Variants in ZNF566 observed in about 807,000 individuals in gnomAD.
ZNF566 encodes zinc finger protein 566.
In ZNF566, 27 loss-of-function variants were observed where a neutral mutation model predicts 32.8. That is an observed-to-expected ratio of 0.82 (90% CI 0.61 to 1.14). ZNF566 has a LOEUF of 1.14. ZNF566 is among the 50% of genes most tolerant of loss of function. ZNF566 has a pLI of 0.00. For missense variants in ZNF566, 402 were observed against 490.4 expected, an observed-to-expected ratio of 0.82 and a Z score of 1.70; for synonymous variants, 154 against 159.5, an observed-to-expected ratio of 0.97 and a Z score of 0.26.
intron 2 of ZNF566, 47 bp downstream of exon 2, chr19:36,476,502 T>C (rs763968019): frequency 1.3e-6 from 2 of 1,531,686 alleles, no homozygotes; most frequent in Non-Finnish European, 1.8e-6. Context: ...TTACAGTTAC[T>C]AGAAGTAAAA....
At position 36,449,731 on chromosome 19, in the gene ZNF566, T is replaced by C; in HGVS notation, c.503A>G (p.Lys168Arg). 1 of 1,614,150 alleles carries C rather than the reference T, an allele frequency of 6.2e-7. No individual in the cohort carries two copies. The highest frequency in any genetic ancestry group is 8.5e-7 in the Non-Finnish European group (1 of 1,180,022). The change falls in exon 5 of 5, where the codon AAG becomes AGG. Residue 168 changes from lysine (K) to arginine (R), a missense_variant. This residue lies in a region of ZNF566 where 220 missense variants were observed against 241.9 expected (regional missense o/e 0.91). Transcript: ENST00000452939. ...FTLQQIINSK[K>R]KFCASKEYRK... Reference sequence around the variant, plus strand: ...ATATTCTTTAGATGCACAGAATTTCTTTTTACTGTTAATGATTTGCTGTAA... The same window carrying C: ...ATATTCTTTAGATGCACAGAATTTCCTTTTACTGTTAATGATTTGCTGTAA...
At chr19:36,487,177 T>C (rs995737800) in intron 1 of ZNF566, among the ~76,000 whole-genome samples, 3 of 141,888 alleles carry the variant, frequency 2.1e-5, no homozygotes, top group Middle Eastern at 4.0e-3. Context: ...ACCAATAAAA[T>C]AGTTAAAAGA....
intron 1 of ZNF566, among the ~76,000 whole-genome samples, chr19:36,482,266 C>G (rs866675628): frequency 6.6e-6 from 1 of 152,142 alleles, no homozygotes; most frequent in Non-Finnish European, 1.5e-5. Flanking sequence ...CCACCACGCC[C>G]GGCTAATTTT....
intron 4 of ZNF566, among the ~76,000 whole-genome samples, chr19:36,455,904 T>G (rs1199838380): frequency 6.6e-6 from 1 of 151,324 alleles, no homozygotes; most frequent in South Asian, 2.1e-4. Context: ...CCAGGCATGG[T>G]GGTGGGCGCC....
rs2034259615 is a variant in ZNF566, at chr19:36,489,555, A to G, written c.-129T>C. ...CTGGTAAAGCCCTGAGGGTCCCGCCAGCGCGTGAGTTGGAAGCTGAATTAC... is the reference window on the plus strand; with the variant it reads ...CTGGTAAAGCCCTGAGGGTCCCGCCGGCGCGTGAGTTGGAAGCTGAATTAC... On this transcript the variant is annotated 5_prime_UTR_variant, in exon 1 of 5. Coordinates refer to ENST00000452939, the MANE Select transcript of ZNF566 (RefSeq NM_001145344.1). 2 of 357,158 alleles carry G rather than the reference A, an allele frequency of 5.6e-6. No homozygotes were observed. Among genetic ancestry groups the G allele is most frequent in the Non-Finnish European group, 1.1e-5 (2 of 180,486 alleles). The allele number at this position is 357,158 out of a possible 1,614,324, so 22.1% of individuals were successfully genotyped here.
intron 4 of ZNF566, among the ~76,000 whole-genome samples, chr19:36,453,043 G>A (rs1343561892): frequency 2.6e-5 from 4 of 151,402 alleles, no homozygotes; most frequent in African/African-American, 4.9e-5. Flanking sequence ...GCTTGAACCC[G>A]GGAGGTGGAG....
rs999014776 is a variant in ZNF566 at position 36,445,452 on chromosome 19, C to T, written c.*3525G>A. 2.0e-5 allele frequency: 3 copies of T among 152,142 alleles called. No homozygotes were observed. The highest frequency in any genetic ancestry group is 7.2e-5 in the African/African-American group (3 of 41,416). The allele number at this position is 152,142 out of a possible 1,614,324, so 9.4% of individuals were successfully genotyped here. Reference sequence around the variant, plus strand: ...CTCACAGAATCACATATATGAAAAACTGCACTCCACTCCTTTATTCTCTTG... The same window carrying T: ...CTCACAGAATCACATATATGAAAAATTGCACTCCACTCCTTTATTCTCTTG... On this transcript the variant is annotated 3_prime_UTR_variant, in exon 5 of 5. Transcript: ENST00000452939.
At chr19:36,461,133 C>A (rs753709204) in intron 4 of ZNF566, among the ~76,000 whole-genome samples, 3 of 152,130 alleles carry the variant, frequency 2.0e-5, no homozygotes, top group African/African-American at 7.2e-5. Flanking sequence ...ATCCAGGAGA[C>A]AGCTGTCATG....
At chr19:36,488,377 G>A (rs113850557) in intron 1 of ZNF566, among the ~76,000 whole-genome samples, 75 of 152,306 alleles carry the variant, frequency 4.9e-4, no homozygotes, top group African/African-American at 1.7e-3. Flanking sequence ...TTACACGCAT[G>A]AGCCTCCACA....
At chr19:36,472,886 G>A (rs377679783) in intron 4 of ZNF566, 25 bp downstream of exon 4, 195 of 1,580,340 alleles carry the variant, frequency 1.2e-4, no homozygotes, top group Admixed American at 1.6e-4. Flanking sequence ...GCCAAATCAC[G>A]CATTACCTGC....
chr19:36,478,843 G>A (rs896060239), intron 1 of ZNF566, among the ~76,000 whole-genome samples: 2 of 152,144 alleles, frequency 1.3e-5, no homozygotes, highest in African/African-American at 4.8e-5. Context: ...CGAACAGTAG[G>A]GTTGCTTACT....
rs34868021 is a variant in ZNF566, at chr19:36,468,185, CAA to C, written c.232+4724_232+4725del. ...GGGCAACAAGAGTGAAACTCTGCCT[CAA>C]AAAAAAAAAAAAAAAAAATTAAAGT... On this transcript the variant is annotated intron_variant, in intron 4 of 4. Coordinates refer to ENST00000452939, the MANE Select transcript of ZNF566 (RefSeq NM_001145344.1). Among the ~76,000 whole-genome samples the C allele has an allele frequency of 4.0e-3, 406 of 101,542 alleles. 3 individuals are homozygous for C. The highest frequency in any genetic ancestry group is 0.011 in the African/African-American group (294 of 26,114). 66.6% of individuals were successfully genotyped at this position (101,542 alleles called of 152,430 possible).
chr19:36,482,328 A>G (rs1235625867), intron 1 of ZNF566, among the ~76,000 whole-genome samples: 1 of 152,090 alleles, frequency 6.6e-6, no homozygotes, highest in Admixed American at 6.5e-5. Flanking sequence ...GATGGTCTTG[A>G]TCTCCTGACC....
intron 4 of ZNF566, among the ~76,000 whole-genome samples, chr19:36,469,569 G>C (rs2033712976): frequency 6.6e-6 from 1 of 152,182 alleles, no homozygotes; most frequent in South Asian, 2.1e-4. Context: ...GAAAATATTT[G>C]TGCGACAATA....
At chr19:36,462,146 G>A (rs918816081) in intron 4 of ZNF566, among the ~76,000 whole-genome samples, 2 of 151,664 alleles carry the variant, frequency 1.3e-5, no homozygotes, top group African/African-American at 2.4e-5. Context: ...GCACCACCAC[G>A]CTTGGCTAAT....
intron 4 of ZNF566, among the ~76,000 whole-genome samples, chr19:36,467,405 A>C (rs1333701558): frequency 6.7e-6 from 1 of 148,298 alleles, no homozygotes; most frequent in Non-Finnish European, 1.5e-5. Flanking sequence ...GCTGCACTCC[A>C]GCCTGGGCAA....
chr19:36,475,031 G>A (rs868024411), intron 2 of ZNF566, among the ~76,000 whole-genome samples: 3 of 152,092 alleles, frequency 2.0e-5, no homozygotes, highest in South Asian at 2.1e-4. Context: ...CAGTTTCACC[G>A]TTGGTATTAC....
At chr19:36,469,748 GA>G (rs1232924323) in intron 4 of ZNF566, among the ~76,000 whole-genome samples, 1 of 152,128 alleles carries the variant, frequency 6.6e-6, no homozygotes, top group African/African-American at 2.4e-5. Flanking sequence ...GAAAGCTTCA[GA>G]AATATCTTGT....
At chr19:36,476,339 A>G (rs1014024691) in intron 2 of ZNF566, 4 of 428,288 alleles carry the variant, frequency 9.3e-6, no homozygotes, top group Admixed American at 8.3e-5. Context: ...TTTTCTAACA[A>G]TGATTATGTA....
Sources: allele counts gnomAD v4.1 joint callset (sites outside exome capture counted in the v4.1 genomes callset), GRCh38; gene constraint gnomAD v4.1.1; regional missense constraint gnomAD v4.1.1; transcripts MANE v1.5; gene names NCBI Gene and HGNC (gene_info 2026-07-23, HGNC 2026-07-21).